Variants in HDAC9 observed in about 807,000 individuals in gnomAD.
The protein encoded by HDAC9 is MEF-2 interacting transcription repressor (MITR) protein.
A neutral mutation model predicts 139.4 loss-of-function variants in HDAC9; 41 were observed. That is an observed-to-expected ratio of 0.29 (90% CI 0.23 to 0.38). The LOEUF is 0.38. Among genes scored for constraint, HDAC9 ranks in the 10% least tolerant of loss-of-function variants. The pLI is 1.00. For missense variants in HDAC9, 1,147 were observed against 1,297.0 expected, an observed-to-expected ratio of 0.88 and a Z score of 1.78; for synonymous variants, 517 against 476.2, an observed-to-expected ratio of 1.09 and a Z score of -1.12.
chr7:18,954,128 T>C lies in HDAC9; in HGVS notation c.2938-18T>C, dbSNP rs754954808. ...AGTCATAATATTCTGCTCATACTAT[T>C]ATCTACTATTCTTGCAGCTGGAGCC... On this transcript the variant is annotated intron_variant, in intron 23 of 25. Coordinates refer to ENST00000686413, the MANE Select transcript of HDAC9 (RefSeq NM_178425.4). 1.5e-5 allele frequency: 22 copies of C among 1,510,636 alleles called. No homozygotes were observed. Among genetic ancestry groups the C allele is most frequent in the Non-Finnish European group, 1.9e-5 (21 of 1,107,224 alleles). 93.6% of individuals were successfully genotyped at this position (1,510,636 alleles called of 1,614,324 possible).
chr7:18,505,939 G>A (rs2128170625), intron 2 of HDAC9: 1 of 152,196 alleles, frequency 6.6e-6, no homozygotes, highest in South Asian at 2.1e-4. Flanking sequence ...CTTAGCCTCG[G>A]TATTTCTATC....
At chr7:18,857,832 G>T (rs1425179503) in intron 21 of HDAC9, among the ~76,000 whole-genome samples, 2 of 151,890 alleles carry the variant, frequency 1.3e-5, no homozygotes, top group African/African-American at 4.8e-5. Context: ...CAGCTATTTT[G>T]TTTTCAAATG....
At chr7:18,282,419 C>T (rs1462586853) in intron 2 of HDAC9, among the ~76,000 whole-genome samples, 1 of 152,118 alleles carries the variant, frequency 6.6e-6, no homozygotes, top group Non-Finnish European at 1.5e-5. Context: ...GTGCCCAAGA[C>T]TCCCTGTCCT....
chr7:18,365,187 G>T (rs1784083608), intron 1 of HDAC9, among the ~76,000 whole-genome samples: 1 of 152,068 alleles, frequency 6.6e-6, no homozygotes, highest in African/African-American at 2.4e-5. Flanking sequence ...AGTAGGGCAG[G>T]AATGTTATTG....
In HDAC9 at chr7:18,963,779, C is replaced by T. The variant is rs17140418; in HGVS notation, c.3022+9549C>T. Among the ~76,000 whole-genome samples the T allele has an allele frequency of 4.9e-3, 749 of 152,232 alleles. 13 individuals carry two copies. The East Asian group carries it at 0.064, about 13-fold the overall frequency. Reference sequence around the variant, plus strand: ...CAACACTAGCAAGCGTTATCTCTGACGGGATGGATACATCAGGCTATTGTA... The same window carrying T: ...CAACACTAGCAAGCGTTATCTCTGATGGGATGGATACATCAGGCTATTGTA... On this transcript the variant is annotated intron_variant, in intron 24 of 25. Coordinates refer to ENST00000686413, the MANE Select transcript of HDAC9 (RefSeq NM_178425.4).
At chr7:18,981,253 GAATGAGGAAGAAGAACATGTGA>G (rs1308969568) in intron 25 of HDAC9, among the ~76,000 whole-genome samples, 6 of 152,158 alleles carry the variant, frequency 3.9e-5, no homozygotes, top group African/African-American at 1.4e-4. Context: ...CCAACCAGCA[GAATGAGGAAGAAGAACATGTGA>G]AAATATCAAG....
At chr7:18,114,883 T>C (rs10499515) in intron 1 of HDAC9, among the ~76,000 whole-genome samples, 7,608 of 152,324 alleles carry the variant, frequency 0.05, 248 homozygotes, top group East Asian at 0.12. Flanking sequence ...TTGAAATATG[T>C]TAGCCTCTTC....
At chr7:18,107,507 C>T (rs903285604) in intron 1 of HDAC9, among the ~76,000 whole-genome samples, 2 of 132,676 alleles carry the variant, frequency 1.5e-5, no homozygotes, top group Non-Finnish European at 3.5e-5. Context: ...CTCTTTCTTG[C>T]TCTCTCTCTC....
chr7:18,099,419 G>A (rs1431645571), intron 1 of HDAC9, among the ~76,000 whole-genome samples: 1 of 152,036 alleles, frequency 6.6e-6, no homozygotes, highest in Non-Finnish European at 1.5e-5. Flanking sequence ...AGTGAACTGA[G>A]ATTGCATCAC....
intron 1 of HDAC9, among the ~76,000 whole-genome samples, chr7:18,407,465 C>A (rs1788121171): frequency 1.3e-5 from 2 of 152,000 alleles, no homozygotes; most frequent in Non-Finnish European, 2.9e-5. Context: ...AAACAAAGAG[C>A]CTAAAAACGT....
intron 1 of HDAC9, among the ~76,000 whole-genome samples, chr7:18,152,116 T>TA (rs1786825749): frequency 6.6e-6 from 1 of 151,796 alleles, no homozygotes; most frequent in Admixed American, 6.6e-5. Context: ...TTTTTTTTTT[T>TA]AAAGAAAATA....
intron 1 of HDAC9, among the ~76,000 whole-genome samples, chr7:18,143,171 T>C (rs1248859829): frequency 1.3e-5 from 2 of 152,204 alleles, no homozygotes; most frequent in African/African-American, 2.4e-5. Context: ...CCTACGCCTA[T>C]TGTCAAATTA....
At chr7:18,794,594 G>A (rs1386380504) in intron 17 of HDAC9, among the ~76,000 whole-genome samples, 2 of 152,160 alleles carry the variant, frequency 1.3e-5, no homozygotes, top group Non-Finnish European at 2.9e-5. Flanking sequence ...GGGATATATG[G>A]GGTCATTAAT....
Position 18,648,452 on chromosome 7 carries a change from ATT to A in HDAC9, c.1250-5_1250-4del. The A allele has an allele frequency of 2.1e-6, 3 of 1,401,142 alleles. No individual in the cohort carries two copies. The highest frequency in any genetic ancestry group is 3.0e-6 in the Non-Finnish European group (3 of 1,014,840). The allele number at this position is 1,401,142 out of a possible 1,614,324, so 86.8% of individuals were successfully genotyped here. A position where few individuals can be genotyped will look rare whatever the true frequency, so the allele number is the denominator to read the frequency against. Reference sequence around the variant, plus strand: ...TGTGTGTATACACACATATACATGTATTTTTTTTTTCAGGTGGAGTTCCCTTA... The same window carrying A: ...TGTGTGTATACACACATATACATGTATTTTTTTTCAGGTGGAGTTCCCTTA... On this transcript the variant is annotated splice_polypyrimidine_tract_variant and intron_variant, in intron 10 of 25. Coordinates refer to ENST00000686413, the MANE Select transcript of HDAC9 (RefSeq NM_178425.4).
intron 1 of HDAC9, among the ~76,000 whole-genome samples, chr7:18,088,647 T>C (rs575124200): frequency 6.6e-6 from 1 of 152,328 alleles, no homozygotes; most frequent in African/African-American, 2.4e-5. Context: ...ACCTTCTTTT[T>C]CGTACTTTTG....
At chr7:18,153,364 C>T (rs1399236763) in intron 1 of HDAC9, among the ~76,000 whole-genome samples, 2 of 151,984 alleles carry the variant, frequency 1.3e-5, no homozygotes, top group Non-Finnish European at 2.9e-5. Flanking sequence ...GGTCAAATAC[C>T]CTCTAGAGGT....
intron 2 of HDAC9, among the ~76,000 whole-genome samples, chr7:18,523,257 A>T (rs1485142979): frequency 1.3e-5 from 2 of 152,206 alleles, no homozygotes; most frequent in African/African-American, 4.8e-5. Context: ...CTTCTTGGAA[A>T]AGTAACTTTA....
intron 1 of HDAC9, among the ~76,000 whole-genome samples, chr7:18,416,767 G>A (rs534538358): frequency 6.6e-6 from 1 of 151,484 alleles, no homozygotes; most frequent in African/African-American, 2.4e-5. Context: ...CTCCTTTTTT[G>A]CCAGTATTTT....
chr7:18,782,115 T>C (rs1431773805), intron 16 of HDAC9, among the ~76,000 whole-genome samples: 1 of 152,076 alleles, frequency 6.6e-6, no homozygotes, highest in Admixed American at 6.6e-5. Flanking sequence ...GAAAATGCCC[T>C]GTGGCCCTAG....
Sources: allele counts gnomAD v4.1 joint callset (sites outside exome capture counted in the v4.1 genomes callset), GRCh38; gene constraint gnomAD v4.1.1; transcripts MANE v1.5; gene names NCBI Gene and HGNC (gene_info 2026-07-23, HGNC 2026-07-21).